The following ANK2 variants were observed in gnomAD, a reference collection of about 807,000 sequenced individuals.
ANK2 encodes the protein ankyrin 2.
A neutral mutation model predicts 360.5 loss-of-function variants in ANK2; 83 were observed. The ratio of observed to expected loss-of-function variants is 0.23; its 90% confidence interval spans 0.19 to 0.28. The LOEUF (loss-of-function observed/expected upper bound fraction) is 0.28, where lower values mean the gene tolerates loss of function less well. Ranked by LOEUF, ANK2 falls within the 10% of genes least tolerant of loss-of-function variation. The pLI is 1.00. For missense variants in ANK2, 4,201 were observed against 4,795.7 expected (o/e 0.88, Z 3.66); for synonymous variants, 1,740 against 1,759.5 (o/e 0.99, Z 0.28).
In ANK2 at chr4:113,358,736, C is replaced by T. The variant is rs371358639; in HGVS notation, c.10118C>T (p.Ala3373Val). 4.2e-5 allele frequency: 67 copies of T among 1,613,948 alleles called. No individual in the cohort carries two copies. The highest frequency in any genetic ancestry group is 5.3e-5 in the Non-Finnish European group (63 of 1,179,962). ...DLDTSVQKTV[A>V]PQGQDMASIA... is the part of the protein sequence containing the mutation. The stretch of plus-strand genomic sequence containing the variant: ...GACACCTCTGTCCAGAAGACAGTGG[C>T]TCCTCAGGGACAGGACATGGCAAGC... Residue 3373 changes from alanine (A) to valine (V), a missense_variant, in exon 38 of 46, where the codon GCT becomes GTT. Ala to Val is a moderately conservative substitution (Grantham distance 64). Transcript: ENST00000357077.
At chr4:112,712,596 A>G in the ANK2 span, among the ~76,000 whole-genome samples, 2 of 150,402 alleles carry the variant, frequency 1.3e-5, no homozygotes, top group Non-Finnish European at 3.0e-5. Flanking sequence ...TTTAGTAGAG[A>G]TGGGGTTTCA....
At chr4:112,796,407 G>A in the ANK2 span, among the ~76,000 whole-genome samples, 11 of 151,730 alleles carry the variant, frequency 7.2e-5, no homozygotes, top group African/African-American at 2.4e-4. Context: ...TGGGCAACAT[G>A]AGCGAAACTC....
At chr4:113,106,015 A>G (rs968812271) in intron 1 of ANK2, among the ~76,000 whole-genome samples, 2 of 152,162 alleles carry the variant, frequency 1.3e-5, no homozygotes, top group Non-Finnish European at 2.9e-5. Flanking sequence ...CTTTCTGTCA[A>G]TTCCTATTTT....
At chr4:113,238,953 C>T (rs2099404496) in intron 7 of ANK2, among the ~76,000 whole-genome samples, 2 of 152,104 alleles carry the variant, frequency 1.3e-5, no homozygotes, top group African/African-American at 4.8e-5. Flanking sequence ...AAATGATCCA[C>T]CCACCCTCAA....
intron 2 of ANK2, among the ~76,000 whole-genome samples, chr4:113,181,439 A>G (rs2098411612): frequency 1.3e-5 from 2 of 152,108 alleles, no homozygotes; most frequent in South Asian, 4.1e-4. Context: ...TTGTTCATCT[A>G]CTTACTCAAA....
At chr4:112,861,747 G>A (rs1049979088) in intron 1 of ANK2, among the ~76,000 whole-genome samples, 5 of 151,984 alleles carry the variant, frequency 3.3e-5, no homozygotes, top group Non-Finnish European at 2.9e-5. Context: ...GGCACTTTCA[G>A]TGTGACAATG....
chr4:113,098,588 C>T (rs192427975), intron 1 of ANK2, among the ~76,000 whole-genome samples: 4 of 152,090 alleles, frequency 2.6e-5, no homozygotes, highest in African/African-American at 9.6e-5. Context: ...AATGGTTTCA[C>T]TGATGAATTC....
chr4:113,365,237 T>C (rs2154054297), intron 41 of ANK2, 55 bp downstream of exon 41: 1 of 1,542,652 alleles, frequency 6.5e-7, no homozygotes, highest in Non-Finnish European at 8.9e-7. Flanking sequence ...GTGTGTTGTG[T>C]CTGTGTGTGG....
chr4:113,012,406 C>T (rs973705641), intron 2 of ANK2, among the ~76,000 whole-genome samples: 3 of 152,104 alleles, frequency 2.0e-5, no homozygotes, highest in African/African-American at 4.8e-5. Flanking sequence ...GTTGAGAATG[C>T]GATAGGTCTT....
intron 1 of ANK2, among the ~76,000 whole-genome samples, chr4:112,855,960 A>C (rs1345618708): frequency 6.6e-6 from 1 of 152,216 alleles, no homozygotes; most frequent in African/African-American, 2.4e-5. Flanking sequence ...TTTCATGAGC[A>C]GTGGTGAGTG....
intron 1 of ANK2, among the ~76,000 whole-genome samples, chr4:112,873,573 G>T (rs1403463633): frequency 7.1e-6 from 1 of 141,810 alleles, no homozygotes; most frequent in African/African-American, 2.6e-5. Flanking sequence ...GTCCCGCTCT[G>T]TTGCCCAGGC....
chr4:112,788,206 G>A, the ANK2 span: 14 of 1,589,986 alleles, frequency 8.8e-6, no homozygotes, highest in African/African-American at 1.7e-4. Context: ...ATCTGTCATT[G>A]TAATTGGTCC....
chr4:112,821,557 G>A lies in ANK2; in HGVS notation c.-40+3293G>A, dbSNP rs554636715. Among the ~76,000 whole-genome samples the A allele has an allele frequency of 4.4e-4, 64 of 145,880 alleles. 1 individual carries two copies. Among genetic ancestry groups the A allele is most frequent in the African/African-American group, 1.5e-3 (58 of 39,248 alleles). On this transcript the variant is annotated intron_variant, in intron 1 of 30. Coordinates refer to the ANK2 transcript ENST00000503271. Reference sequence around the variant, plus strand: ...CTCAGTCTGTCACCCAGGCTGGAGTGCAGTGGTGTGATCACAGCTCATGTA... The same window carrying A: ...CTCAGTCTGTCACCCAGGCTGGAGTACAGTGGTGTGATCACAGCTCATGTA...
At chr4:112,775,831 C>T in the ANK2 span, among the ~76,000 whole-genome samples, 228 of 152,234 alleles carry the variant, frequency 1.5e-3, 2 homozygotes, top group African/African-American at 5.3e-3. Flanking sequence ...TAAGGACTGA[C>T]GTCTTGGAGG....
chr4:112,771,810 C>T, the ANK2 span, among the ~76,000 whole-genome samples: 2 of 152,158 alleles, frequency 1.3e-5, no homozygotes, highest in Admixed American at 6.5e-5. Flanking sequence ...TGGTCTCGAT[C>T]TCCTGACCTC....
chr4:113,042,840 A>C (rs1258131343), intron 2 of ANK2, among the ~76,000 whole-genome samples: 1 of 152,150 alleles, frequency 6.6e-6, no homozygotes, highest in Non-Finnish European at 1.5e-5. Flanking sequence ...AGATCTTCTC[A>C]GTTTACAAGC....
the ANK2 span, among the ~76,000 whole-genome samples, chr4:112,796,207 T>A: frequency 6.6e-6 from 1 of 152,070 alleles, no homozygotes; most frequent in Non-Finnish European, 1.5e-5. Context: ...GCAAATCACC[T>A]GAGGTTGGGA....
intron 1 of ANK2, among the ~76,000 whole-genome samples, chr4:113,065,461 A>G (rs1389269351): frequency 6.6e-6 from 1 of 152,230 alleles, no homozygotes; most frequent in Non-Finnish European, 1.5e-5. Context: ...TAGAGCTGAA[A>G]GCTTGAAATT....
At chr4:113,250,091 C>T (rs577561819) in intron 10 of ANK2, among the ~76,000 whole-genome samples, 1 of 152,180 alleles carries the variant, frequency 6.6e-6, no homozygotes, top group South Asian at 2.1e-4. Flanking sequence ...ATATTTTTAC[C>T]TGTTATTCTT....
Sources: gnomAD v4.1 joint callset for allele counts (sites outside exome capture counted in the v4.1 genomes callset) on GRCh38, gnomAD v4.1.1 for gene constraint, MANE v1.5 for transcripts, NCBI Gene and HGNC (gene_info 2026-07-23, HGNC 2026-07-21) for gene names.